Variants in KCNMB2 observed in about 807,000 individuals in gnomAD.
The protein encoded by KCNMB2 is calcium-activated potassium channel subunit beta-2.
In KCNMB2, 9 loss-of-function variants were observed where a neutral mutation model predicts 24.5. That is an observed-to-expected ratio of 0.37 (90% confidence interval 0.22 to 0.64). KCNMB2 has a LOEUF of 0.64. KCNMB2 is among the 30% of genes least tolerant of loss of function. The probability of loss-of-function intolerance (pLI) is 0.63; values close to 1 mark genes in which losing one functional copy is unlikely to be tolerated. For missense variants in KCNMB2, 226 were observed against 284.3 expected (o/e 0.79, Z 1.47); for synonymous variants, 109 against 104.4 (o/e 1.04, Z -0.27).
chr3:178,651,727 A>C lies in KCNMB2; in HGVS notation c.-68+115016A>C, dbSNP rs972729624. Among the ~76,000 whole-genome samples, 7 of 152,236 alleles carry C rather than the reference A, an allele frequency of 4.6e-5. No homozygotes were observed. The East Asian group carries it at 1.3e-3, about 29-fold the overall frequency. On this transcript the variant is annotated intron_variant, in intron 1 of 4. Coordinates refer to ENST00000452583, the MANE Select transcript of KCNMB2 (RefSeq NM_181361.3). ...GGTACTGGTACCAAAACAGATAAAT[A>C]GAACAATGGAAAAGAACAGAGGCCT...
intron 1 of KCNMB2, among the ~76,000 whole-genome samples, chr3:178,639,663 T>C (rs1243584230): frequency 6.6e-6 from 1 of 152,216 alleles, no homozygotes; most frequent in Non-Finnish European, 1.5e-5. Context: ...TGATCCTAAA[T>C]GGTCCATTCC....
Position 178,843,639 on chromosome 3 carries a change from G to C in KCNMB2, c.*702G>C, listed in dbSNP as rs1409257817. The stretch of plus-strand genomic sequence containing the variant: ...ATTTAAGACCCTGCTACTGTGTGAA[G>C]AGATGATACTTACAAGGAGTGTCAT... On this transcript the variant is annotated 3_prime_UTR_variant, in exon 5 of 5. Coordinates refer to ENST00000452583, the MANE Select transcript of KCNMB2 (RefSeq NM_181361.3). 6.4e-6 allele frequency: 1 copy of C among 155,958 alleles called. No individual in the cohort carries two copies. Among genetic ancestry groups the C allele is most frequent in the Non-Finnish European group, 1.4e-5 (1 of 70,566 alleles). 9.7% of individuals were successfully genotyped at this position (155,958 alleles called of 1,614,324 possible). A position where few individuals can be genotyped will look rare whatever the true frequency, so the allele number is the denominator to read the frequency against.
chr3:178,744,930 T>C (rs1035365814), intron 1 of KCNMB2, among the ~76,000 whole-genome samples: 1 of 152,196 alleles, frequency 6.6e-6, no homozygotes, highest in Admixed American at 6.5e-5. Context: ...ACAAGCAGAC[T>C]CTGAAGCCAT....
intron 1 of KCNMB2, among the ~76,000 whole-genome samples, chr3:178,590,717 G>A (rs769003190): frequency 1.3e-4 from 20 of 152,166 alleles, no homozygotes; most frequent in Non-Finnish European, 7.4e-5. Flanking sequence ...GAGCCATACA[G>A]CTTGTAGTTG....
At chr3:178,774,387 G>A (rs1712495034) in intron 1 of KCNMB2, among the ~76,000 whole-genome samples, 1 of 152,200 alleles carries the variant, frequency 6.6e-6, no homozygotes, top group Non-Finnish European at 1.5e-5. Context: ...CTATGTCCCA[G>A]GTTCCTGTTC....
chr3:178,726,267 G>A (rs1722965302), intron 1 of KCNMB2, among the ~76,000 whole-genome samples: 1 of 151,798 alleles, frequency 6.6e-6, no homozygotes, highest in African/African-American at 2.4e-5. Context: ...TGCACATACT[G>A]AAAACCTCAT....
chr3:178,771,333 G>A (rs1224471201), intron 1 of KCNMB2, among the ~76,000 whole-genome samples: 1 of 152,058 alleles, frequency 6.6e-6, no homozygotes, highest in African/African-American at 2.4e-5. Context: ...CATTAAAAGT[G>A]ACGTTGATCA....
intron 1 of KCNMB2, among the ~76,000 whole-genome samples, chr3:178,664,560 C>G (rs1577081787): frequency 6.6e-6 from 1 of 152,104 alleles, no homozygotes; most frequent in Admixed American, 6.6e-5. Flanking sequence ...CTTGTTTGCT[C>G]TGTAAAATCT....
At chr3:178,712,703 G>T (rs1722493132) in intron 1 of KCNMB2, among the ~76,000 whole-genome samples, 3 of 152,128 alleles carry the variant, frequency 2.0e-5, no homozygotes, top group Non-Finnish European at 4.4e-5. Flanking sequence ...CTTGCCCAAG[G>T]TCGTACACGT....
At chr3:178,713,614 C>G (rs1722522168) in intron 1 of KCNMB2, among the ~76,000 whole-genome samples, 1 of 152,152 alleles carries the variant, frequency 6.6e-6, no homozygotes, top group Non-Finnish European at 1.5e-5. Context: ...CAGCCTGCCC[C>G]CTACCTCCAC....
chr3:178,724,295 G>A (rs1182107732), intron 1 of KCNMB2, among the ~76,000 whole-genome samples: 1 of 151,886 alleles, frequency 6.6e-6, no homozygotes, highest in East Asian at 1.9e-4. Context: ...GTCGGCCACT[G>A]GTATGTCTTC....
chr3:178,664,689 C>T (rs188205219), intron 1 of KCNMB2, among the ~76,000 whole-genome samples: 55 of 149,012 alleles, frequency 3.7e-4, no homozygotes, highest in African/African-American at 1.3e-3. Flanking sequence ...AAAGGAGAGA[C>T]GAAGGAAGGA....
At chr3:178,719,439 ACT>A (rs1005666979) in intron 1 of KCNMB2, among the ~76,000 whole-genome samples, 2 of 152,110 alleles carry the variant, frequency 1.3e-5, no homozygotes, top group Non-Finnish European at 2.9e-5. Context: ...AGCTTGTGTG[ACT>A]CTGTTCTGGG....
Position 178,536,616 on chromosome 3 carries a change from AATG to A in KCNMB2, c.-157_-155del, listed in dbSNP as rs1316560920. 1 of 152,232 alleles carries A rather than the reference AATG, an allele frequency of 6.6e-6. No individual in the cohort carries two copies. The highest frequency in any genetic ancestry group is 6.5e-5 in the Admixed American group (1 of 15,276). The allele number at this position is 152,232 out of a possible 1,614,324, so 9.4% of individuals were successfully genotyped here. On this transcript the variant is annotated 5_prime_UTR_variant, in exon 1 of 5. An upstream start codon of the reference 5' UTR is lost. Coordinates refer to ENST00000452583, the MANE Select transcript of KCNMB2 (RefSeq NM_181361.3). ...CACAAAGGCTTTAGGCACAAGAGGT[AATG>A]ATGATTACCGGTGGCTATTTGGAGG...
At chr3:178,556,492 C>A (rs1233406958) in intron 1 of KCNMB2, among the ~76,000 whole-genome samples, 1 of 152,196 alleles carries the variant, frequency 6.6e-6, no homozygotes, top group East Asian at 1.9e-4. Flanking sequence ...GCAACCTCCG[C>A]CTTCCGGTTT....
intron 1 of KCNMB2, among the ~76,000 whole-genome samples, chr3:178,614,289 ATATATATG>A (rs1718618143): frequency 8.2e-5 from 8 of 97,792 alleles, no homozygotes; most frequent in African/African-American, 1.6e-4. Flanking sequence ...ATATATATAT[ATATATATG>A]TATGTATATA....
Position 178,813,020 on chromosome 3 carries a change from T to C in KCNMB2, c.56+5555T>C, listed in dbSNP as rs73882861. 4.2e-3 allele frequency among the ~76,000 whole-genome samples: 643 copies of C among 152,310 alleles called. 5 individuals are homozygous for C. The highest frequency in any genetic ancestry group is 0.015 in the African/African-American group (609 of 41,574). ...CCAAAAAAAACTCTAGGGATTTTTA[T>C]TAGAATTTTATAAAATTTATTAATT... On this transcript the variant is annotated intron_variant, in intron 2 of 4. Transcript: ENST00000452583.
intron 1 of KCNMB2, among the ~76,000 whole-genome samples, chr3:178,692,500 A>G (rs1420386211): frequency 6.6e-6 from 1 of 152,194 alleles, no homozygotes; most frequent in Non-Finnish European, 1.5e-5. Context: ...TTGAACAGGG[A>G]ATCCTTTCCC....
intron 1 of KCNMB2, among the ~76,000 whole-genome samples, chr3:178,706,396 G>C (rs74738385): frequency 0.015 from 2,308 of 152,222 alleles, 30 homozygotes; most frequent in Middle Eastern, 0.031. Context: ...AAGGTAAGGT[G>C]CCATTAGCAA....
Sources: allele counts gnomAD v4.1 joint callset (sites outside exome capture counted in the v4.1 genomes callset), GRCh38; gene constraint gnomAD v4.1.1; transcripts MANE v1.5; gene names NCBI Gene and HGNC (gene_info 2026-07-23, HGNC 2026-07-21).